Variants in KCNG3 observed in about 807,000 individuals in gnomAD.
The protein encoded by KCNG3 is voltage-gated potassium channel regulatory subunit KCNG3.
A neutral mutation model predicts 29.0 loss-of-function variants in KCNG3; 15 were observed. The ratio of observed to expected loss-of-function variants is 0.52; its 90% CI spans 0.35 to 0.80. The LOEUF (loss-of-function observed/expected upper bound fraction) is 0.80. KCNG3 is among the 30% of genes least tolerant of loss of function. The pLI is 0.01. For missense variants in KCNG3, 512 were observed against 605.7 expected, an observed-to-expected ratio of 0.85 and a Z score of 1.62; for synonymous variants, 322 against 248.9, an observed-to-expected ratio of 1.29 and a Z score of -2.76.
At chr2:42,484,847 A>G (rs1438813373) in intron 1 of KCNG3, among the ~76,000 whole-genome samples, 1 of 152,256 alleles carries the variant, frequency 6.6e-6, no homozygotes, top group African/African-American at 2.4e-5. Flanking sequence ...ACACATTAAA[A>G]GAAACAGTCT....
chr2:42,409,740 A>T, the KCNG3 span, among the ~76,000 whole-genome samples: 11 of 148,800 alleles, frequency 7.4e-5, 1 homozygote, highest in African/African-American at 2.8e-4. Context: ...TTTTTTTTTA[A>T]ATTATACAGT....
intron 1 of KCNG3, among the ~76,000 whole-genome samples, chr2:42,458,674 T>C (rs1230547619): frequency 7.9e-5 from 12 of 152,146 alleles, no homozygotes; most frequent in East Asian, 5.8e-4. Context: ...CCTAAGTGCA[T>C]TGGAGTGTCT....
chr2:42,463,122 TGTACA>T (rs752795416), intron 1 of KCNG3: 1 of 287,044 alleles, frequency 3.5e-6, no homozygotes, highest in Non-Finnish European at 6.7e-6. Flanking sequence ...ATTAAACAAC[TGTACA>T]GTATTCATTT....
At chr2:42,432,957 C>CAA in the KCNG3 span, among the ~76,000 whole-genome samples, 42 of 133,658 alleles carry the variant, frequency 3.1e-4, no homozygotes, top group African/African-American at 7.3e-4. Flanking sequence ...AACAAAAAAA[C>CAA]AAAAAAAAAA....
chr2:42,442,619 C>T lies in KCNG3; in HGVS notation c.*1315G>A, dbSNP rs1235468913. On this transcript the variant is annotated 3_prime_UTR_variant, in exon 2 of 2. Transcript: ENST00000306078. ...CCTCTGACAAAATTACTGTGTACAACATTCAATTTTTTATGAATCTGTCAC... is the reference window on the plus strand; with the variant it reads ...CCTCTGACAAAATTACTGTGTACAATATTCAATTTTTTATGAATCTGTCAC... The T allele has an allele frequency of 6.6e-6, 1 of 152,206 alleles. No homozygotes were observed. Among genetic ancestry groups the T allele is most frequent in the Non-Finnish European group, 1.5e-5 (1 of 68,024 alleles). 9.4% of individuals were successfully genotyped at this position (152,206 alleles called of 1,614,324 possible).
At chr2:42,453,481 C>T (rs1338644901) in intron 1 of KCNG3, among the ~76,000 whole-genome samples, 3 of 152,168 alleles carry the variant, frequency 2.0e-5, no homozygotes, top group African/African-American at 7.2e-5. Flanking sequence ...TTTCCATATA[C>T]CTGTTTGCCA....
At chr2:42,470,064 C>G (rs2103705717) in intron 1 of KCNG3, 2 of 505,544 alleles carry the variant, frequency 4.0e-6, no homozygotes, top group East Asian at 3.5e-5. Flanking sequence ...CCTGATCTCC[C>G]TGAAGATCTC....
downstream of KCNG3, among the ~76,000 whole-genome samples, chr2:42,438,334 A>G (rs1196963931): frequency 1.3e-5 from 2 of 152,314 alleles, no homozygotes; most frequent in East Asian, 1.9e-4. Context: ...TCCAAATAAC[A>G]GAAATAGTGA....
chr2:42,438,904 G>C (rs994387648), downstream of KCNG3, among the ~76,000 whole-genome samples: 1 of 152,044 alleles, frequency 6.6e-6, no homozygotes, highest in Non-Finnish European at 1.5e-5. Context: ...ATCAGGAAGT[G>C]AAACACCATA....
chr2:42,451,822 C>T (rs1572844178), intron 1 of KCNG3, among the ~76,000 whole-genome samples: 1 of 151,826 alleles, frequency 6.6e-6, no homozygotes, highest in Non-Finnish European at 1.5e-5. Flanking sequence ...ATCCCCTGAG[C>T]CCAGGAGTTC....
chr2:42,459,307 C>T (rs750775417), intron 1 of KCNG3, among the ~76,000 whole-genome samples: 2 of 152,104 alleles, frequency 1.3e-5, no homozygotes, highest in African/African-American at 2.4e-5. Flanking sequence ...AGTTCTGACC[C>T]GCTCCACATC....
the KCNG3 span, among the ~76,000 whole-genome samples, chr2:42,393,420 G>A: frequency 2.0e-5 from 3 of 152,178 alleles, no homozygotes; most frequent in African/African-American, 7.2e-5. Context: ...AATGAGCCGG[G>A]CGTGGTGGCG....
intron 1 of KCNG3, among the ~76,000 whole-genome samples, chr2:42,460,610 G>C (rs1477842806): frequency 2.0e-5 from 3 of 152,070 alleles, no homozygotes; most frequent in Non-Finnish European, 4.4e-5. Flanking sequence ...AGAAAGTGGC[G>C]ATTTAATTTG....
intron 1 of KCNG3, among the ~76,000 whole-genome samples, chr2:42,450,468 T>C (rs1256111192): frequency 2.6e-5 from 4 of 152,186 alleles, no homozygotes; most frequent in African/African-American, 9.7e-5. Flanking sequence ...CTGAGTACTG[T>C]TCACTGAGCA....
the KCNG3 span, among the ~76,000 whole-genome samples, chr2:42,420,206 G>A: frequency 8.5e-5 from 13 of 152,062 alleles, no homozygotes; most frequent in East Asian, 1.4e-3. Context: ...TCTGGGTGAC[G>A]AGTGAAAAGA....
chr2:42,425,570 G>C, the KCNG3 span, among the ~76,000 whole-genome samples: 3 of 151,988 alleles, frequency 2.0e-5, no homozygotes, highest in Non-Finnish European at 2.9e-5. Flanking sequence ...CTTTGAAACA[G>C]AGAACATACT....
rs1672555576 is a variant in KCNG3 at position 42,444,623 on chromosome 2, C to T, written c.666-44G>A. On this transcript the variant is annotated intron_variant, in intron 1 of 1. Coordinates refer to ENST00000306078, the MANE Select transcript of KCNG3 (RefSeq NM_133329.6). This position sits in a 1 kb window ranked among gnomAD's most constrained non-coding sequence, Gnocchi z 5.8. ...AAGAATTGATCATTTTATTTTTAAG[C>T]ATTTTAATAGCTCTTAGATTTCTTC... 2 of 1,520,306 alleles carry T rather than the reference C, an allele frequency of 1.3e-6. No individual in the cohort carries two copies. The highest frequency in any genetic ancestry group is 1.4e-5 in the African/African-American group (1 of 72,352). 94.2% of individuals were successfully genotyped at this position (1,520,306 alleles called of 1,614,324 possible).
chr2:42,465,510 C>T (rs1392714512), intron 1 of KCNG3, among the ~76,000 whole-genome samples: 1 of 152,146 alleles, frequency 6.6e-6, no homozygotes, highest in African/African-American at 2.4e-5. Flanking sequence ...AGCCATTGTC[C>T]TCAGCCTATA....
the KCNG3 span, among the ~76,000 whole-genome samples, chr2:42,395,767 A>C: frequency 6.6e-6 from 1 of 151,494 alleles, no homozygotes; most frequent in African/African-American, 2.4e-5. Flanking sequence ...CAGCCTGAGC[A>C]ACACAGCAAG....
Sources: gnomAD v4.1 joint callset for allele counts (sites outside exome capture counted in the v4.1 genomes callset) on GRCh38, gnomAD v4.1.1 for gene constraint, Gnocchi (gnomAD v3.1) non-coding constraint, MANE v1.5 for transcripts, NCBI Gene and HGNC (gene_info 2026-07-23, HGNC 2026-07-21) for gene names.